The following DLGAP1 variants were observed in gnomAD, a reference collection of about 807,000 sequenced individuals.
DLGAP1 encodes disks large-associated protein 1.
A neutral mutation model predicts 90.8 loss-of-function variants in DLGAP1; 11 were observed. The ratio of observed to expected loss-of-function variants is 0.12; its 90% confidence interval spans 0.08 to 0.20. The LOEUF is 0.20. Among genes scored for constraint, DLGAP1 ranks in the 10% least tolerant of loss-of-function variants. The probability of loss-of-function intolerance (pLI) is 1.00; values close to 1 mark genes in which losing one functional copy is unlikely to be tolerated. For missense variants in DLGAP1, 1,050 were observed against 1,333.8 expected (o/e 0.79, Z 3.31); for synonymous variants, 558 against 540.7 (o/e 1.03, Z -0.44).
At chr18:4,118,829 T>C (rs2076105415) in intron 2 of DLGAP1, among the ~76,000 whole-genome samples, 2 of 152,182 alleles carry the variant, frequency 1.3e-5, no homozygotes. Context: ...TGAATGAATA[T>C]TACCCTATTT....
chr18:4,135,473 C>T (rs985896644), intron 2 of DLGAP1, among the ~76,000 whole-genome samples: 4 of 152,286 alleles, frequency 2.6e-5, no homozygotes, highest in Non-Finnish European at 5.9e-5. Context: ...GCTATTTAAA[C>T]ATTTAGTAAC....
intron 1 of DLGAP1, among the ~76,000 whole-genome samples, chr18:4,308,274 C>T (rs1285819556): frequency 2.0e-5 from 3 of 152,160 alleles, no homozygotes; most frequent in Admixed American, 6.5e-5. Context: ...TATCTGCAAC[C>T]ATGCAGAGGT....
At chr18:3,569,158 T>G (rs537581086) in intron 8 of DLGAP1, among the ~76,000 whole-genome samples, 40 of 151,396 alleles carry the variant, frequency 2.6e-4, no homozygotes, top group Non-Finnish European at 5.6e-4. Context: ...CGTGCCACCA[T>G]GCCCAGCTAA....
At chr18:4,069,457 G>C (rs766140306) in intron 2 of DLGAP1, among the ~76,000 whole-genome samples, 1 of 152,152 alleles carries the variant, frequency 6.6e-6, no homozygotes, top group Non-Finnish European at 1.5e-5. Context: ...GTGGGGCCTG[G>C]TGGGAGGTGA....
chr18:3,655,843 C>T, intron 7 of DLGAP1: 2 of 460,726 alleles, frequency 4.3e-6, no homozygotes, highest in East Asian at 3.4e-5. Flanking sequence ...GCAGTCACAT[C>T]AGGAGACAGA....
At position 3,822,814 on chromosome 18, in the gene DLGAP1, C is replaced by A. The variant is rs551026332; in HGVS notation, c.958-8541G>T. On this transcript the variant is annotated intron_variant, in intron 4 of 12. Coordinates refer to ENST00000315677, the MANE Select transcript of DLGAP1 (RefSeq NM_004746.4). ...TGGATGACATCAAAAGGGGCACTAA[C>A]TGTGGATAAGACACTCTCGTGATAT... 3.9e-5 allele frequency among the ~76,000 whole-genome samples: 6 copies of A among 152,252 alleles called. No individual in the cohort carries two copies. The East Asian group carries it at 1.2e-3, about 29-fold the overall frequency.
intron 7 of DLGAP1, among the ~76,000 whole-genome samples, chr18:3,614,541 T>C (rs566106889): frequency 2.0e-5 from 3 of 152,196 alleles, no homozygotes; most frequent in East Asian, 1.9e-4. Context: ...TATTCTTTCA[T>C]TATAGCGTAG....
chr18:3,929,083 G>A (rs1438299946), intron 3 of DLGAP1, among the ~76,000 whole-genome samples: 1 of 152,050 alleles, frequency 6.6e-6, no homozygotes, highest in African/African-American at 2.4e-5. Context: ...AGTTTCCTGA[G>A]GTCTCCCAGC....
chr18:3,820,900 G>C (rs1306285335), intron 4 of DLGAP1, among the ~76,000 whole-genome samples: 2 of 152,144 alleles, frequency 1.3e-5, no homozygotes, highest in Non-Finnish European at 2.9e-5. Flanking sequence ...ATCTCAATGA[G>C]CTAGGGGCAG....
intron 3 of DLGAP1, among the ~76,000 whole-genome samples, chr18:4,002,310 G>A (rs16945829): frequency 0.19 from 17,567 of 94,276 alleles, 1,413 homozygotes; most frequent in East Asian, 0.4. Flanking sequence ...CACGTTTTCT[G>A]ATGCACTATA....
At chr18:3,861,855 C>A (rs2070084184) in intron 4 of DLGAP1, among the ~76,000 whole-genome samples, 1 of 152,228 alleles carries the variant, frequency 6.6e-6, no homozygotes, top group Non-Finnish European at 1.5e-5. Context: ...GGCCTGCCAC[C>A]AATGGCATTG....
rs77448218 is a variant in DLGAP1 at position 4,126,499 on chromosome 18, G to A, written c.-159+24681C>T. On this transcript the variant is annotated intron_variant, in intron 2 of 12. Coordinates refer to ENST00000315677, the MANE Select transcript of DLGAP1 (RefSeq NM_004746.4). ...TCTCTATACCTATTTGCTTTATATC[G>A]TTGTATAAATGGAGTATGCATACAT... is the stretch of plus-strand genomic sequence containing the variant. Among the ~76,000 whole-genome samples the A allele has an allele frequency of 6.6e-3, 1,000 of 152,196 alleles. 11 individuals are homozygous for A. The highest frequency in any genetic ancestry group is 0.034 in the Middle Eastern group (10 of 294).
chr18:3,501,545 C>T (rs2049934148), intron 12 of DLGAP1, among the ~76,000 whole-genome samples: 1 of 152,150 alleles, frequency 6.6e-6, no homozygotes. Context: ...CTGGATTTTT[C>T]CTGGGAGACC....
At chr18:3,685,749 A>G (rs79394996) in intron 7 of DLGAP1, among the ~76,000 whole-genome samples, 17,779 of 152,100 alleles carry the variant, frequency 0.12, 1,211 homozygotes, top group Non-Finnish European at 0.15. Context: ...CCAGCCCAAG[A>G]TGCTACCCTT....
intron 7 of DLGAP1, among the ~76,000 whole-genome samples, chr18:3,631,066 T>G (rs1416054606): frequency 2.0e-5 from 3 of 152,102 alleles, no homozygotes; most frequent in Non-Finnish European, 4.4e-5. Context: ...TTGCATCCTC[T>G]GCCTGCTGGG....
At chr18:4,029,806 T>G (rs1241887169) in intron 2 of DLGAP1, among the ~76,000 whole-genome samples, 1 of 151,950 alleles carries the variant, frequency 6.6e-6, no homozygotes, top group Non-Finnish European at 1.5e-5. Flanking sequence ...TACTTCAGGG[T>G]TTTCCTCATT....
intron 1 of DLGAP1, among the ~76,000 whole-genome samples, chr18:4,213,065 A>G (rs557840588): frequency 6.6e-6 from 1 of 152,324 alleles, no homozygotes. Flanking sequence ...TTATTAATTG[A>G]GCAAACAGGT....
At chr18:3,747,964 C>T (rs573150064) in intron 5 of DLGAP1, among the ~76,000 whole-genome samples, 3 of 152,314 alleles carry the variant, frequency 2.0e-5, no homozygotes, top group Non-Finnish European at 4.4e-5. Flanking sequence ...AATAGTGCAT[C>T]GATGACTTTG....
chr18:4,095,753 G>A (rs2075666816), intron 2 of DLGAP1, among the ~76,000 whole-genome samples: 1 of 151,742 alleles, frequency 6.6e-6, no homozygotes, highest in South Asian at 2.1e-4. Context: ...GATGCCAATT[G>A]GGATACACAT....
Sources: allele counts gnomAD v4.1 joint callset (sites outside exome capture counted in the v4.1 genomes callset), GRCh38; gene constraint gnomAD v4.1.1; transcripts MANE v1.5; gene names NCBI Gene and HGNC (gene_info 2026-07-23, HGNC 2026-07-21).